The following TENM4 variants were observed in gnomAD, a reference collection of about 807,000 sequenced individuals.
TENM4 encodes teneurin transmembrane protein 4.
In TENM4, 82 loss-of-function variants were observed where a neutral mutation model predicts 243.3. That is an observed-to-expected ratio of 0.34 (90% confidence interval 0.28 to 0.40). The LOEUF is 0.40. TENM4 is among the 10% of genes least tolerant of loss of function. TENM4 has a pLI of 1.00. For synonymous variants in TENM4, 1,412 were observed against 1,456.3 expected, an observed-to-expected ratio of 0.97 and a Z score of 0.69; for missense variants, 3,138 against 3,673.3, an observed-to-expected ratio of 0.85 and a Z score of 3.77.
intron 3 of TENM4, among the ~76,000 whole-genome samples, chr11:79,200,188 G>A (rs1259123157): frequency 2.6e-5 from 4 of 152,162 alleles, no homozygotes; most frequent in African/African-American, 7.2e-5. Context: ...GGATGCCAAC[G>A]CAGGCCTCTT....
At chr11:78,814,907 C>T (rs1857572378) in intron 12 of TENM4, among the ~76,000 whole-genome samples, 8 of 152,212 alleles carry the variant, frequency 5.3e-5, no homozygotes, top group Admixed American at 5.2e-4. Context: ...TCACTGGAGC[C>T]ACTACACCAG....
intron 1 of TENM4, among the ~76,000 whole-genome samples, chr11:79,406,176 G>C (rs1421576650): frequency 1.3e-5 from 2 of 152,118 alleles, no homozygotes; most frequent in Non-Finnish European, 2.9e-5. Context: ...ATTGTGGCAT[G>C]AGGCTCCTTC....
chr11:79,418,626 C>G (rs1394806791), intron 1 of TENM4, among the ~76,000 whole-genome samples: 2 of 152,234 alleles, frequency 1.3e-5, no homozygotes, highest in Non-Finnish European at 2.9e-5. Context: ...TTCCCTGCAA[C>G]TGGAATGTCC....
rs73512779 is a variant in TENM4 at position 79,340,513 on chromosome 11, G to A, written c.-320-42970C>T. Among the ~76,000 whole-genome samples, 734 of 152,224 alleles carry A rather than the reference G, an allele frequency of 4.8e-3. 10 individuals are homozygous for A. The highest frequency in any genetic ancestry group is 0.017 in the African/African-American group (699 of 41,530). On this transcript the variant is annotated intron_variant, in intron 1 of 33. Coordinates refer to ENST00000278550, the MANE Select transcript of TENM4 (RefSeq NM_001098816.3). ...GGTGGAATGTCAAGATTTCCTGCAC[G>A]GGACATCATACCACAGAGAGGACTC...
chr11:78,668,883 AGGT>A, intron 32 of TENM4, 51 bp downstream of exon 32: 1 of 1,541,164 alleles, frequency 6.5e-7, no homozygotes, highest in Non-Finnish European at 8.8e-7. Flanking sequence ...AAGTATTGTT[AGGT>A]AGTAAGAGCA....
intron 4 of TENM4, among the ~76,000 whole-genome samples, chr11:79,103,521 G>A (rs1023909976): frequency 1.3e-5 from 2 of 152,054 alleles, no homozygotes; most frequent in Non-Finnish European, 2.9e-5. Context: ...CCCAAGGTCC[G>A]TCCTCTTAGC....
intron 1 of TENM4, among the ~76,000 whole-genome samples, chr11:79,366,829 G>A (rs570557326): frequency 2.0e-5 from 3 of 152,132 alleles, no homozygotes; most frequent in Non-Finnish European, 2.9e-5. Context: ...AACAGTGGAT[G>A]GATCAATGAA....
chr11:79,178,477 G>T (rs1863214290), intron 3 of TENM4, among the ~76,000 whole-genome samples: 1 of 152,204 alleles, frequency 6.6e-6, no homozygotes, highest in Non-Finnish European at 1.5e-5. Context: ...AGTGAAAGAG[G>T]TGGAAGAAGT....
rs1858247677 is a variant in TENM4 at position 78,669,295 on chromosome 11, C to T, written c.7050G>A (p.Leu2350=). 1 of 1,613,978 alleles carries T rather than the reference C, an allele frequency of 6.2e-7. No homozygotes were observed. Among genetic ancestry groups the T allele is most frequent in the African/African-American group, 1.3e-5 (1 of 75,034 alleles). The change falls in exon 32 of 34, where the codon CTG becomes CTA. Residue 2350 remains leucine (L), a synonymous_variant. Transcript: ENST00000278550. The surrounding 1 kb of genome is among the most constrained non-coding windows in gnomAD (Gnocchi z 6.4). ...CTATGTAAAACTCATCACCACTGCTCAGCTCCATGGCAAAGAGGTGTCCTT... is the reference window on the plus strand; with the variant it reads ...CTATGTAAAACTCATCACCACTGCTTAGCTCCATGGCAAAGAGGTGTCCTT... ...DLQGHLFAME[L]SSGDEFYIAC...
chr11:78,935,053 G>A (rs960587359), intron 6 of TENM4, among the ~76,000 whole-genome samples: 21 of 127,200 alleles, frequency 1.7e-4, no homozygotes, highest in African/African-American at 3.0e-4. Context: ...CGCCCAGGCC[G>A]GACTGCGGAC....
intron 4 of TENM4, among the ~76,000 whole-genome samples, chr11:79,135,567 A>G (rs991651658): frequency 3.9e-5 from 6 of 151,966 alleles, no homozygotes; most frequent in African/African-American, 1.4e-4. Context: ...TTATAGCAGC[A>G]CAATTCACAA....
At chr11:78,953,297 CAGGAGGGGGAGGG>C (rs1857142294) in intron 6 of TENM4, among the ~76,000 whole-genome samples, 1 of 152,162 alleles carries the variant, frequency 6.6e-6, no homozygotes, top group South Asian at 2.1e-4. Context: ...GGAAATCACC[CAGGAGGGGGAGGG>C]GGATTAAAGA....
At chr11:79,046,646 C>A (rs960649394) in intron 6 of TENM4, among the ~76,000 whole-genome samples, 1 of 152,074 alleles carries the variant, frequency 6.6e-6, no homozygotes, top group Non-Finnish European at 1.5e-5. Context: ...AGAATGAAAC[C>A]GTGTCACAAT....
At chr11:79,196,789 T>A (rs1863636892) in intron 3 of TENM4, among the ~76,000 whole-genome samples, 1 of 152,104 alleles carries the variant, frequency 6.6e-6, no homozygotes, top group Admixed American at 6.6e-5. Context: ...TTTTCTCTCC[T>A]CTTCCAGGCC....
intron 4 of TENM4, among the ~76,000 whole-genome samples, chr11:79,099,377 T>G (rs561002525): frequency 1.3e-5 from 2 of 152,256 alleles, no homozygotes; most frequent in African/African-American, 4.8e-5. Context: ...TCTCATGGTG[T>G]GAATTTAAGG....
At chr11:78,829,599 C>T (rs760218403) in intron 12 of TENM4, among the ~76,000 whole-genome samples, 3 of 152,162 alleles carry the variant, frequency 2.0e-5, no homozygotes, top group Non-Finnish European at 2.9e-5. Context: ...CACCAGCTTG[C>T]AGGCTTCAGA....
intron 28 of TENM4, among the ~76,000 whole-genome samples, chr11:78,692,486 C>A (rs589861): frequency 6.6e-6 from 1 of 151,966 alleles, no homozygotes; most frequent in Non-Finnish European, 1.5e-5. Flanking sequence ...AAAGAGGTAA[C>A]CTACTTAAAA....
intron 6 of TENM4, among the ~76,000 whole-genome samples, chr11:79,000,057 CAATT>C (rs973856019): frequency 3.3e-5 from 5 of 152,128 alleles, no homozygotes; most frequent in Non-Finnish European, 7.3e-5. Flanking sequence ...AGCATCAATA[CAATT>C]AATGGCTGAC....
intron 6 of TENM4, among the ~76,000 whole-genome samples, chr11:78,967,595 A>G (rs767103707): frequency 2.6e-5 from 4 of 152,094 alleles, no homozygotes; most frequent in Non-Finnish European, 2.9e-5. Context: ...AATCCAGATG[A>G]TCTGAGCCTG....
Sources: gnomAD v4.1 joint callset for allele counts (sites outside exome capture counted in the v4.1 genomes callset) on GRCh38, gnomAD v4.1.1 for gene constraint, Gnocchi (gnomAD v3.1) non-coding constraint, MANE v1.5 for transcripts, NCBI Gene and HGNC (gene_info 2026-07-23, HGNC 2026-07-21) for gene names.